Variants in ANO1 observed in about 807,000 individuals in gnomAD.
ANO1 encodes the protein anoctamin-1.
A neutral mutation model predicts 124.0 loss-of-function variants in ANO1; 59 were observed. The ratio of observed to expected loss-of-function variants is 0.48; its 90% CI spans 0.39 to 0.59. The LOEUF is 0.59. ANO1 is among the 20% of genes least tolerant of loss of function. The pLI is 0.00. For missense variants in ANO1, 1,059 were observed against 1,328.0 expected (o/e 0.80, Z 3.15); for synonymous variants, 529 against 532.0 (o/e 0.99, Z 0.08).
At chr11:70,098,388 G>A (rs912956715) in intron 2 of ANO1, among the ~76,000 whole-genome samples, 3 of 152,176 alleles carry the variant, frequency 2.0e-5, no homozygotes, top group Non-Finnish European at 4.4e-5. Context: ...GTTCCTGCCC[G>A]ATATGGGAGG....
chr11:70,111,700 T>C lies in ANO1; in HGVS notation c.800-7T>C. The C allele has an allele frequency of 1.2e-6, 2 of 1,613,970 alleles. No individual in the cohort carries two copies. The highest frequency in any genetic ancestry group is 1.7e-6 in the Non-Finnish European group (2 of 1,179,870). ...CCCATAACCTTCTCTCTGCCTCTGT[T>C]TTTAAGGCATCACGAGCCTGCTGGC... On this transcript the variant is annotated splice_polypyrimidine_tract_variant and splice_region_variant and intron_variant, in intron 6 of 25. Transcript: ENST00000355303.
At chr11:70,067,654 C>T (rs1374312369) in intron 1 of ANO1, among the ~76,000 whole-genome samples, 1 of 152,176 alleles carries the variant, frequency 6.6e-6, no homozygotes, top group Non-Finnish European at 1.5e-5. Context: ...GCTGCTTCTT[C>T]CCCAGTGCCC....
intron 1 of ANO1, among the ~76,000 whole-genome samples, chr11:70,038,177 G>T (rs1441280385): frequency 6.6e-6 from 1 of 152,138 alleles, no homozygotes; most frequent in Non-Finnish European, 1.5e-5. Flanking sequence ...GCTCTGACTT[G>T]ACCTGGCATT....
In ANO1 at chr11:70,156,942, T is replaced by C. The variant is rs774653907; in HGVS notation, c.1504-5T>C. 13 of 1,613,296 alleles carry C rather than the reference T, an allele frequency of 8.1e-6. No homozygotes were observed. In the African/African-American group the frequency reaches 1.7e-4, roughly 22 times the overall value. On this transcript the variant is annotated splice_region_variant and splice_polypyrimidine_tract_variant and intron_variant, in intron 15 of 25. Transcript: ENST00000355303. Reference sequence around the variant, plus strand: ...GACAGTGACCGGCATTGTTTTGTGTTGTAGACTGACAAAGTGAAGCTGACA... The same window carrying C: ...GACAGTGACCGGCATTGTTTTGTGTCGTAGACTGACAAAGTGAAGCTGACA...
chr11:70,006,186 C>T (rs1013043920), intron 1 of ANO1, among the ~76,000 whole-genome samples: 8 of 152,170 alleles, frequency 5.3e-5, no homozygotes, highest in African/African-American at 1.9e-4. Context: ...AGCCAATTTC[C>T]CCACTGGGCA....
chr11:70,085,467 G>A, intron 1 of ANO1: 1 of 1,535,914 alleles, frequency 6.5e-7, no homozygotes, highest in Non-Finnish European at 8.7e-7. Context: ...GGGGCCCTGT[G>A]TTACTGTAGA....
chr11:70,179,238 G>A (rs141859305), intron 22 of ANO1, among the ~76,000 whole-genome samples: 81 of 152,332 alleles, frequency 5.3e-4, no homozygotes, highest in African/African-American at 1.7e-3. Context: ...GCTCCCAGCC[G>A]AACCGCTGCA....
chr11:70,142,697 G>A (rs1002947146), intron 11 of ANO1, among the ~76,000 whole-genome samples: 4 of 152,194 alleles, frequency 2.6e-5, no homozygotes, highest in Non-Finnish European at 4.4e-5. Flanking sequence ...AAATACCACG[G>A]ACAGGTGCCT....
intron 1 of ANO1, among the ~76,000 whole-genome samples, chr11:70,000,436 A>G (rs977731735): frequency 6.6e-6 from 1 of 152,180 alleles, no homozygotes; most frequent in Admixed American, 6.5e-5. Flanking sequence ...ATTAGTCATC[A>G]GGAAATGCAA....
chr11:70,017,505 TCCC>T, intron 1 of ANO1, among the ~76,000 whole-genome samples: 1 of 108,418 alleles, frequency 9.2e-6, no homozygotes, highest in Non-Finnish European at 1.9e-5. Context: ...CTTCCCTCCC[TCCC>T]TCCCTCCTTC....
intron 20 of ANO1, among the ~76,000 whole-genome samples, chr11:70,166,709 G>A (rs1038204627): frequency 6.6e-6 from 1 of 152,106 alleles, no homozygotes; most frequent in African/African-American, 2.4e-5. Context: ...GTGGTCGTTT[G>A]CCCTCCCTGC....
At chr11:70,117,100 C>CTTTTTTTTTTTTTTTTTTTTTT (rs756764991) in intron 8 of ANO1, among the ~76,000 whole-genome samples, 3 of 61,552 alleles carry the variant, frequency 4.9e-5, no homozygotes, top group African/African-American at 1.3e-4. Context: ...TTGTTTCTTT[C>CTTTTTTTTTTTTTTTTTTTTTT]TTTTTTTTTT....
chr11:70,005,580 T>C (rs991715942), intron 1 of ANO1, among the ~76,000 whole-genome samples: 51 of 152,332 alleles, frequency 3.3e-4, no homozygotes, highest in African/African-American at 1.2e-3. Flanking sequence ...AGGTGGGTTG[T>C]GTTTATTTAT....
At chr11:70,049,427 G>T (rs1432767518) in intron 1 of ANO1, among the ~76,000 whole-genome samples, 1 of 152,210 alleles carries the variant, frequency 6.6e-6, no homozygotes, top group African/African-American at 2.4e-5. Flanking sequence ...CTCAAAAGTT[G>T]TCTTGAAGAT....
intron 1 of ANO1, among the ~76,000 whole-genome samples, chr11:70,050,333 G>A (rs1423629622): frequency 6.6e-6 from 1 of 152,144 alleles, no homozygotes. Flanking sequence ...CAGGATTGGA[G>A]GGCCAGGTCC....
intron 1 of ANO1, among the ~76,000 whole-genome samples, chr11:70,048,989 C>T (rs909255964): frequency 1.6e-4 from 25 of 152,038 alleles, no homozygotes; most frequent in Admixed American, 5.9e-4. Flanking sequence ...GCATACGCTT[C>T]CCGGACAAGC....
chr11:70,152,307 C>A, intron 12 of ANO1, 143 bp from the exon 13 acceptor site: 1 of 768,782 alleles, frequency 1.3e-6, no homozygotes, highest in Non-Finnish European at 2.0e-6. Flanking sequence ...TGCACTCCAG[C>A]CTGCTCAATA....
chr11:70,078,952 G>A (rs1245615585), intron 1 of ANO1, among the ~76,000 whole-genome samples: 1 of 151,920 alleles, frequency 6.6e-6, no homozygotes, highest in Admixed American at 6.6e-5. Flanking sequence ...ACTCCGCCCA[G>A]CGCAGCGCCG....
chr11:70,148,313 T>G (rs1449462513), intron 11 of ANO1, among the ~76,000 whole-genome samples: 1 of 152,160 alleles, frequency 6.6e-6, no homozygotes, highest in Non-Finnish European at 1.5e-5. Flanking sequence ...GCCTACCTCC[T>G]ATGATCACCG....
Sources: allele counts gnomAD v4.1 joint callset (sites outside exome capture counted in the v4.1 genomes callset), GRCh38; gene constraint gnomAD v4.1.1; transcripts MANE v1.5; gene names NCBI Gene and HGNC (gene_info 2026-07-23, HGNC 2026-07-21).